TRAIP: variants seen among roughly 807,000 people sequenced by gnomAD.
The protein encoded by TRAIP is TRAF interacting protein.
TRAIP carries 37 observed loss-of-function variants against 65.0 expected under a neutral mutation model. That is an observed-to-expected ratio of 0.57 (90% CI 0.44 to 0.75). TRAIP has a LOEUF of 0.75. Ranked by LOEUF, TRAIP falls within the 30% of genes least tolerant of loss-of-function variation. The pLI is 0.00. For synonymous variants in TRAIP, 187 were observed against 219.1 expected, an observed-to-expected ratio of 0.85 and a Z score of 1.29; for missense variants, 481 against 579.4, an observed-to-expected ratio of 0.83 and a Z score of 1.74.
At position 49,828,767 on chromosome 3, in the gene TRAIP, G is replaced by T. The variant is rs886677756; in HGVS notation, c.*336C>A. The T allele has an allele frequency of 3.3e-6, 1 of 298,738 alleles. No homozygotes were observed. The highest frequency in any genetic ancestry group is 6.7e-6 in the Non-Finnish European group (1 of 149,346). 18.5% of individuals were successfully genotyped at this position (298,738 alleles called of 1,614,324 possible). A position where few individuals can be genotyped will look rare whatever the true frequency, so the allele number is the denominator to read the frequency against. ...CTGCCTGAGATGCCTCAAGCACTCT[G>T]GTCCACAGAGACAGTCAACAAGTGA... On this transcript the variant is annotated 3_prime_UTR_variant, in exon 15 of 15. Coordinates refer to ENST00000331456, the MANE Select transcript of TRAIP (RefSeq NM_005879.3).
intron 3 of TRAIP, 53 bp downstream of exon 3, chr3:49,847,472 A>T (rs575115900): frequency 2.6e-6 from 3 of 1,144,180 alleles, no homozygotes; most frequent in Non-Finnish European, 2.5e-6. Context: ...AAAAAAGAAA[A>T]GTGAACTCGC....
At position 49,834,419 on chromosome 3, in the gene TRAIP, G is replaced by A. The variant is rs190940989; in HGVS notation, c.885-2351C>T. On this transcript the variant is annotated intron_variant, in intron 10 of 14. Coordinates refer to ENST00000331456, the MANE Select transcript of TRAIP (RefSeq NM_005879.3). ...TGACACAGCAGCCAGAACCCACAAG[G>A]AGGGGGTCCATGAAGGAAAGGGAGG... 4.5e-3 allele frequency among the ~76,000 whole-genome samples: 689 copies of A among 152,294 alleles called. 4 individuals are homozygous for A. The highest frequency in any genetic ancestry group is 7.7e-3 in the Non-Finnish European group (521 of 68,030).
Position 49,832,035 on chromosome 3 carries a change from G to A in TRAIP, c.918C>T (p.Arg306=). 2 of 1,601,996 alleles carry A rather than the reference G, an allele frequency of 1.2e-6. No homozygotes were observed. The highest frequency in any genetic ancestry group is 8.5e-7 in the Non-Finnish European group (1 of 1,174,020). ...PAPVEVNLKL[R]RPSFRDDIDL... Reference sequence around the variant, plus strand: ...CAATATCATCACGGAAGGATGGCCGGCGGAGCTTCAGATTCACCTCCACAG... The same window carrying A: ...CAATATCATCACGGAAGGATGGCCGACGGAGCTTCAGATTCACCTCCACAG... The change falls in exon 11 of 15, where the codon CGC becomes CGT. Residue 306 remains arginine, a synonymous_variant. Transcript: ENST00000331456.
chr3:49,852,548 G>T (rs980715894), intron 1 of TRAIP, among the ~76,000 whole-genome samples: 6 of 151,952 alleles, frequency 3.9e-5, no homozygotes, highest in Non-Finnish European at 5.9e-5. Context: ...GAGGTCAGGA[G>T]ATCAAGACCA....
At chr3:49,840,150 C>T in intron 9 of TRAIP, 134 bp downstream of exon 9, 1 of 847,740 alleles carries the variant, frequency 1.2e-6, no homozygotes, top group Non-Finnish European at 1.9e-6. Flanking sequence ...GGGGCACACC[C>T]TGACCCAGGA....
intron 3 of TRAIP, among the ~76,000 whole-genome samples, 187 bp downstream of exon 3, chr3:49,847,338 C>T (rs1057389645): frequency 6.6e-6 from 1 of 150,734 alleles, no homozygotes; most frequent in Non-Finnish European, 1.5e-5. Context: ...GCTATGATTG[C>T]ACCACTGCAC....
intron 1 of TRAIP, among the ~76,000 whole-genome samples, chr3:49,851,624 T>G (rs1424406197): frequency 6.6e-6 from 1 of 151,970 alleles, no homozygotes; most frequent in East Asian, 1.9e-4. Context: ...CTTGGACCCC[T>G]GGGCTCAAGC....
chr3:49,840,979 A>C lies in TRAIP; in HGVS notation c.705+6T>G. 1 of 1,614,014 alleles carries C rather than the reference A, an allele frequency of 6.2e-7. No homozygotes were observed. Among genetic ancestry groups the C allele is most frequent in the Non-Finnish European group, 8.5e-7 (1 of 1,179,866 alleles). On this transcript the variant is annotated splice_donor_region_variant and intron_variant, in intron 8 of 14. Coordinates refer to ENST00000331456, the MANE Select transcript of TRAIP (RefSeq NM_005879.3). ...CTCCTTCAACCTCTGTTCACTGCTA[A>C]GTTACCTTGCTTCTGGAGGAAAACA...
chr3:49,834,894 T>A (rs1490671934), intron 10 of TRAIP, among the ~76,000 whole-genome samples: 2 of 152,196 alleles, frequency 1.3e-5, no homozygotes, highest in African/African-American at 4.8e-5. Flanking sequence ...CAAGAAAGAA[T>A]GCTTGCAAAT....
intron 11 of TRAIP, 123 bp downstream of exon 11, chr3:49,831,793 T>C (rs2081734970): frequency 3.4e-6 from 4 of 1,170,902 alleles, no homozygotes; most frequent in Non-Finnish European, 4.5e-6. Flanking sequence ...ACCAAAGCCA[T>C]GGCCAAGCCT....
intron 1 of TRAIP, among the ~76,000 whole-genome samples, chr3:49,848,972 A>G (rs1032863655): frequency 6.6e-6 from 1 of 151,392 alleles, no homozygotes; most frequent in African/African-American, 2.4e-5. Flanking sequence ...TCAGCCTCCC[A>G]GGTAGCTGGG....
At position 49,829,819 on chromosome 3, in the gene TRAIP, G is replaced by A. The variant is rs2081716834; in HGVS notation, c.1087-53C>T. On this transcript the variant is annotated intron_variant, in intron 12 of 14. Transcript: ENST00000331456. ...TGATGAGCTGGATGTCAGCAAAGGA[G>A]GGAGGGTAGTGGTGGTGGAACAAGA... The A allele has an allele frequency of 3.1e-6, 5 of 1,608,780 alleles. No homozygotes were observed. The South Asian group carries it at 3.3e-5, about 11-fold the overall frequency.
chr3:49,843,684 C>T (rs1336858672), intron 5 of TRAIP, 117 bp downstream of exon 5: 57 of 1,413,012 alleles, frequency 4.0e-5, no homozygotes, highest in Non-Finnish European at 5.5e-5. Context: ...TATTTTACAA[C>T]TCCCCAAACC....
At chr3:49,836,527 G>GAA (rs1170739482) in intron 10 of TRAIP, among the ~76,000 whole-genome samples, 2 of 149,700 alleles carry the variant, frequency 1.3e-5, no homozygotes, top group Non-Finnish European at 2.9e-5. Context: ...AAAAGAAAAA[G>GAA]AAAAAGCAAA....
At chr3:49,832,893 T>C (rs938865473) in intron 10 of TRAIP, among the ~76,000 whole-genome samples, 1 of 152,084 alleles carries the variant, frequency 6.6e-6, no homozygotes, top group African/African-American at 2.4e-5. Context: ...TTTTCAGAGC[T>C]GCACCACAAT....
intron 10 of TRAIP, among the ~76,000 whole-genome samples, chr3:49,835,045 TA>T (rs1459750040): frequency 6.6e-6 from 1 of 151,980 alleles, no homozygotes; most frequent in Non-Finnish European, 1.5e-5. Context: ...CTACAAAAAA[TA>T]AAATTAAATA....
chr3:49,829,824 G>A, intron 12 of TRAIP, 58 bp from the exon 13 acceptor site: 1 of 1,605,966 alleles, frequency 6.2e-7, no homozygotes. Context: ...AAGGAGGGAG[G>A]GTAGTGGTGG....
intron 1 of TRAIP, among the ~76,000 whole-genome samples, chr3:49,853,719 T>C (rs2081951899): frequency 6.6e-6 from 1 of 151,886 alleles, no homozygotes; most frequent in Non-Finnish European, 1.5e-5. Flanking sequence ...CAGTGGTGTG[T>C]GCCTGTAATC....
At chr3:49,844,371 C>T (rs1213154660) in intron 4 of TRAIP, among the ~76,000 whole-genome samples, 170 bp downstream of exon 4, 2 of 152,140 alleles carry the variant, frequency 1.3e-5, no homozygotes, top group Admixed American at 1.3e-4. Context: ...CAGTCACCTC[C>T]CTTCCCTCTC....
Sources: allele counts gnomAD v4.1 joint callset (sites outside exome capture counted in the v4.1 genomes callset), GRCh38; gene constraint gnomAD v4.1.1; transcripts MANE v1.5; gene names NCBI Gene and HGNC (gene_info 2026-07-23, HGNC 2026-07-21).